DNAJC6: variants seen among roughly 807,000 people sequenced by gnomAD.
DNAJC6 encodes the protein auxilin.
DNAJC6 carries 34 observed loss-of-function variants against 110.0 expected under a neutral mutation model. That is an observed-to-expected ratio of 0.31 (90% CI 0.24 to 0.41). DNAJC6 has a LOEUF of 0.41. Ranked by LOEUF, DNAJC6 falls within the 10% of genes least tolerant of loss-of-function variation. The pLI, the probability that DNAJC6 is intolerant of heterozygous loss-of-function variation, is 1.00. For synonymous variants in DNAJC6, 406 were observed against 437.2 expected, an observed-to-expected ratio of 0.93 and a Z score of 0.89; for missense variants, 1,031 against 1,207.8, an observed-to-expected ratio of 0.85 and a Z score of 2.17.
chr1:65,336,185 G>A (rs576263058), intron 1 of DNAJC6, among the ~76,000 whole-genome samples: 19 of 152,254 alleles, frequency 1.2e-4, no homozygotes, highest in African/African-American at 4.3e-4. Flanking sequence ...AGAAGGGGAA[G>A]CAAACATATC....
chr1:65,386,387 A>C (rs974585648), intron 7 of DNAJC6, among the ~76,000 whole-genome samples: 11 of 152,224 alleles, frequency 7.2e-5, no homozygotes, highest in African/African-American at 2.4e-4. Flanking sequence ...AGTTAGGAAT[A>C]GATTGAATTT....
intron 1 of DNAJC6, among the ~76,000 whole-genome samples, chr1:65,294,632 G>A (rs1236810242): frequency 6.6e-6 from 1 of 152,118 alleles, no homozygotes; most frequent in African/African-American, 2.4e-5. Flanking sequence ...GAACACTTAG[G>A]TGGAAAAATA....
intron 1 of DNAJC6, among the ~76,000 whole-genome samples, chr1:65,358,992 CCTT>C (rs1327045335): frequency 1.3e-5 from 2 of 152,166 alleles, no homozygotes; most frequent in Non-Finnish European, 1.5e-5. Context: ...TATGGACACT[CCTT>C]CTCCTTTGAT....
At chr1:65,352,281 CA>C (rs1645498412) in intron 1 of DNAJC6, among the ~76,000 whole-genome samples, 1 of 152,006 alleles carries the variant, frequency 6.6e-6, no homozygotes. Context: ...GGGGGGCTTC[CA>C]GCTCTCTGAC....
rs558734151 is a variant in DNAJC6 at position 65,397,824 on chromosome 1, G to A, written c.2039-989G>A. On this transcript the variant is annotated intron_variant, in intron 13 of 18. Transcript: ENST00000371069. ...GGCATATCCTTTTTAACTTAATGAT[G>A]GGAAGGTACTAGATGACTTGGTTGG... Among the ~76,000 whole-genome samples, 5 of 152,244 alleles carry A rather than the reference G, an allele frequency of 3.3e-5. No homozygotes were observed. The South Asian group carries it at 1.0e-3, about 32-fold the overall frequency.
upstream of DNAJC6, among the ~76,000 whole-genome samples, chr1:65,307,012 CTCTCTCTA>C (rs1477352419): frequency 0.06 from 4,697 of 78,908 alleles, 60 homozygotes; most frequent in Non-Finnish European, 0.074. Context: ...CTCTCTCTCT[CTCTCTCTA>C]TATATATATA....
intron 1 of DNAJC6, chr1:65,298,966 G>A (rs1430975458): frequency 6.6e-6 from 1 of 152,216 alleles, no homozygotes; most frequent in African/African-American, 2.4e-5. Flanking sequence ...CCAAGGCACT[G>A]AGAGCCATGG....
chr1:65,371,931 C>A (rs1645710109), intron 4 of DNAJC6, among the ~76,000 whole-genome samples: 1 of 152,028 alleles, frequency 6.6e-6, no homozygotes, highest in African/African-American at 2.4e-5. Flanking sequence ...TTAGTGTTTT[C>A]CCCTTTTAGA....
Position 65,389,382 on chromosome 1 carries a change from A to T in DNAJC6, c.1320A>T (p.Thr440=), listed in dbSNP as rs142136708. 8.8e-4 allele frequency: 1,423 copies of T among 1,614,198 alleles called. 9 individuals are homozygous for T. The African/African-American group carries it at 0.015, about 17-fold the overall frequency. The change falls in exon 10 of 19, where the codon ACA becomes ACT. Residue 440 remains threonine (T), a synonymous_variant. Coordinates refer to ENST00000371069, the MANE Select transcript of DNAJC6 (RefSeq NM_001256864.2). ...CTCCACCATGGGAACATTACTGCAC[A>T]AAAGATGTCAATCCCAGCATCCTCT... ...DLTPPWEHYC[T]KDVNPSILFS...
chr1:65,314,751 G>C (rs1645133910), intron 1 of DNAJC6, among the ~76,000 whole-genome samples: 1 of 152,210 alleles, frequency 6.6e-6, no homozygotes, highest in South Asian at 2.1e-4. Context: ...GCCTCCCAAA[G>C]TGCTGGGATT....
chr1:65,358,178 C>CAAAAAA lies in DNAJC6; in HGVS notation c.194-6440_194-6435dup, dbSNP rs11285114. Among the ~76,000 whole-genome samples, 349 of 79,838 alleles carry CAAAAAA rather than the reference C, an allele frequency of 4.4e-3. 1 individual carries two copies. Among genetic ancestry groups the CAAAAAA allele is most frequent in the Non-Finnish European group, 5.9e-3 (246 of 41,900 alleles). 52.4% of individuals were successfully genotyped at this position (79,838 alleles called of 152,430 possible). ...TGGGCGATAGAGCGAGACTCAGTCT[C>CAAAAAA]AAAAAAAAAAAAAAAAAAAAAACAA... On this transcript the variant is annotated intron_variant, in intron 1 of 18. Transcript: ENST00000371069.
chr1:65,319,940 C>T (rs1645182892), intron 1 of DNAJC6, among the ~76,000 whole-genome samples: 1 of 152,152 alleles, frequency 6.6e-6, no homozygotes, highest in Admixed American at 6.5e-5. Context: ...CCCCTTCTCT[C>T]TAGTCAGTGA....
intron 5 of DNAJC6, among the ~76,000 whole-genome samples, chr1:65,381,373 C>T (rs558112240): frequency 6.6e-6 from 1 of 151,824 alleles, no homozygotes; most frequent in Non-Finnish European, 1.5e-5. Context: ...CATGGTGAAA[C>T]CCCATCTCTA....
intron 4 of DNAJC6, among the ~76,000 whole-genome samples, chr1:65,367,059 T>C (rs1156560078): frequency 1.3e-5 from 2 of 152,174 alleles, no homozygotes; most frequent in South Asian, 2.1e-4. Context: ...AAAATTGGTG[T>C]ACATGCTTTA....
Position 65,379,433 on chromosome 1 carries a change from C to T in DNAJC6, c.575C>T (p.Ala192Val), listed in dbSNP as rs1223464886. Residue 192 changes from alanine to valine, a missense_variant, in exon 5 of 19, where the codon GCT becomes GTT. Ala to Val is a moderately conservative substitution (Grantham distance 64). Transcript: ENST00000371069. ...VSECSWPIRQ[A>V]PSLHNLFAVC... ...GAATGCAGTTGGCCCATTAGGCAGG[C>T]TCCCAGTCTGCACAACCTTTTTGCT... 2 of 1,614,118 alleles carry T rather than the reference C, an allele frequency of 1.2e-6. No homozygotes were observed. Among genetic ancestry groups the T allele is most frequent in the East Asian group, 2.2e-5 (1 of 44,884 alleles).
intron 4 of DNAJC6, among the ~76,000 whole-genome samples, chr1:65,378,536 T>G (rs1324277469): frequency 6.6e-6 from 1 of 152,214 alleles, no homozygotes; most frequent in Non-Finnish European, 1.5e-5. Flanking sequence ...AAGAAAGGCT[T>G]AAAGAGGTTA....
At chr1:65,405,163 T>G (rs1646063408) in intron 15 of DNAJC6, among the ~76,000 whole-genome samples, 1 of 152,204 alleles carries the variant, frequency 6.6e-6, no homozygotes, top group African/African-American at 2.4e-5. Context: ...TTGGAGATTA[T>G]GGAATCAAGA....
intron 7 of DNAJC6, 59 bp from the exon 8 acceptor site, chr1:65,386,753 C>T: frequency 1.4e-6 from 2 of 1,398,776 alleles, no homozygotes; most frequent in South Asian, 2.4e-5. Flanking sequence ...ATACCTGTGT[C>T]TGTGTGATTG....
upstream of DNAJC6, among the ~76,000 whole-genome samples, chr1:65,308,334 G>A (rs9436708): frequency 6.6e-6 from 1 of 152,108 alleles, no homozygotes; most frequent in Non-Finnish European, 1.5e-5. Flanking sequence ...GACTCTTGAC[G>A]GGCGCCTCAC....
Sources: gnomAD v4.1 joint callset for allele counts (sites outside exome capture counted in the v4.1 genomes callset) on GRCh38, gnomAD v4.1.1 for gene constraint, MANE v1.5 for transcripts, NCBI Gene and HGNC (gene_info 2026-07-23, HGNC 2026-07-21) for gene names.